BRAT1: variants seen among roughly 807,000 people sequenced by gnomAD.
The protein encoded by BRAT1 is integrator complex assembly factor BRAT1.
A neutral mutation model predicts 70.6 loss-of-function variants in BRAT1; 74 were observed. The observed-to-expected ratio is 1.05, with a 90% CI of 0.87 to 1.27. BRAT1 has a LOEUF of 1.27. BRAT1 is among the 50% of genes most tolerant of loss of function. The pLI, the probability that BRAT1 is intolerant of heterozygous loss-of-function variation, is 0.00. For synonymous variants in BRAT1, 615 were observed against 517.1 expected, an observed-to-expected ratio of 1.19 and a Z score of -2.57; for missense variants, 1,203 against 1,098.2, an observed-to-expected ratio of 1.10 and a Z score of -1.35.
intron 3 of BRAT1, among the ~76,000 whole-genome samples, chr7:2,546,902 G>A (rs1288803866): frequency 3.9e-5 from 6 of 152,112 alleles, no homozygotes; most frequent in African/African-American, 1.4e-4. Flanking sequence ...ACCCCACGGC[G>A]CAGCTACGAC....
intron 10 of BRAT1, 152 bp downstream of exon 10, chr7:2,540,827 C>T: frequency 1.2e-6 from 1 of 800,558 alleles, no homozygotes; most frequent in Non-Finnish European, 1.8e-6. Context: ...CCCATGCAGC[C>T]ACCTGCATCG....
Position 2,546,957 on chromosome 7 carries a change from C to T in BRAT1, c.282+367G>A, listed in dbSNP as rs1049127829. 3.3e-5 allele frequency among the ~76,000 whole-genome samples: 5 copies of T among 151,968 alleles called. No individual in the cohort carries two copies. In the South Asian group the frequency reaches 1.0e-3, roughly 32 times the overall value. Reference sequence around the variant, plus strand: ...AGAGACGGGGGCCACGGGGCAGCTACGACTCCTGTCTCCGTCCCAGGAAGA... The same window carrying T: ...AGAGACGGGGGCCACGGGGCAGCTATGACTCCTGTCTCCGTCCCAGGAAGA... On this transcript the variant is annotated intron_variant, in intron 3 of 13. Transcript: ENST00000340611.
Position 2,538,745 on chromosome 7 carries a change from A to G in BRAT1, c.1790T>C (p.Leu597Pro). 3.8e-6 allele frequency: 6 copies of G among 1,598,350 alleles called. No homozygotes were observed. The highest frequency in any genetic ancestry group is 5.1e-6 in the Non-Finnish European group (6 of 1,179,848). Reference protein sequence around the residue: ...EARQSLFLELLHILSVDSEGF... With the variant: ...EARQSLFLELPHILSVDSEGF... ...CTCCGAGTCTACGGAGAGGATGTGC[A>G]GGAGCTCCAGGAACAGGCTCTGGGG... The change falls in exon 14 of 14, where the codon CTG (leucine) becomes CCG (proline). Residue 597 changes from leucine to proline, a missense_variant. Coordinates refer to ENST00000340611, the MANE Select transcript of BRAT1 (RefSeq NM_152743.4).
Position 2,543,379 on chromosome 7 carries a change from A to C in BRAT1, c.804-56T>G. The C allele has an allele frequency of 6.6e-7, 1 of 1,522,448 alleles. No homozygotes were observed. The highest frequency in any genetic ancestry group is 1.3e-5 in the South Asian group (1 of 78,386). 94.3% of individuals were successfully genotyped at this position (1,522,448 alleles called of 1,614,324 possible). On this transcript the variant is annotated intron_variant, in intron 5 of 13. Transcript: ENST00000340611. This position sits in a 1 kb window ranked among gnomAD's most constrained non-coding sequence, Gnocchi z 5.5. ...TCCCCCACCCTCAAAACCCCATTCG[A>C]GGCCTGGCTGAGACTGCCATGGCTC...
chr7:2,540,798 C>T (rs1779086785), intron 10 of BRAT1, 181 bp downstream of exon 10: 2 of 570,776 alleles, frequency 3.5e-6, no homozygotes, highest in Non-Finnish European at 2.8e-6. Context: ...TCTTCACCAA[C>T]AAGAGGCCCT....
intron 2 of BRAT1, among the ~76,000 whole-genome samples, chr7:2,551,542 T>C (rs77565442): frequency 6.8e-6 from 1 of 147,910 alleles, no homozygotes; most frequent in Admixed American, 6.8e-5. Flanking sequence ...AAAAAAAAAA[T>C]AGCTGGGCCT....
intron 2 of BRAT1, among the ~76,000 whole-genome samples, chr7:2,553,980 A>T (rs1780226300): frequency 6.6e-6 from 1 of 152,140 alleles, no homozygotes; most frequent in African/African-American, 2.4e-5. Flanking sequence ...AACAAATCTG[A>T]TGTCTTAAAC....
chr7:2,541,583 C>T, intron 8 of BRAT1, 99 bp from the exon 9 acceptor site: 4 of 1,464,568 alleles, frequency 2.7e-6, no homozygotes, highest in Non-Finnish European at 3.6e-6. Context: ...GGGACATCAG[C>T]CAAGGTTGTG....
chr7:2,538,744 C>A lies in BRAT1; in HGVS notation c.1791G>T (p.Leu597=). 1 of 1,598,370 alleles carries A rather than the reference C, an allele frequency of 6.3e-7. No homozygotes were observed. The highest frequency in any genetic ancestry group is 8.5e-7 in the Non-Finnish European group (1 of 1,179,872). ...EARQSLFLEL[L]HILSVDSEGF... ...CCTCCGAGTCTACGGAGAGGATGTG[C>A]AGGAGCTCCAGGAACAGGCTCTGGG... The change falls in exon 14 of 14, where the codon CTG becomes CTT. Residue 597 remains leucine (L), a synonymous_variant. Coordinates refer to ENST00000340611, the MANE Select transcript of BRAT1 (RefSeq NM_152743.4).
In BRAT1 at chr7:2,541,014, G is replaced by A; in HGVS notation, c.1360C>T (p.Leu454=). The change falls in exon 10 of 14, where the codon CTG becomes TTG. Residue 454 remains leucine, a synonymous_variant. Transcript: ENST00000340611. ...GAGCCGGGGCTCTCGAGGCACTCCA[G>A]GAGGACAGCAAGCGCCTGCGTCACC... The part of the protein sequence containing the change: ...ELVTQALAVL[L]ECLESPGSSP... 1 of 1,564,774 alleles carries A rather than the reference G, an allele frequency of 6.4e-7. No homozygotes were observed. The highest frequency in any genetic ancestry group is 1.2e-5 in the South Asian group (1 of 82,970).
rs770720943 is a variant in BRAT1 at position 2,538,027 on chromosome 7, C to A, written c.*42G>T. ...TGTCCCACAGAAGGACATGGTGCTGCCTCCCTTGGTCCTGAGCCCCAGTGG... is the reference window on the plus strand; with the variant it reads ...TGTCCCACAGAAGGACATGGTGCTGACTCCCTTGGTCCTGAGCCCCAGTGG... On this transcript the variant is annotated 3_prime_UTR_variant, in exon 14 of 14. Transcript: ENST00000340611. 3.9e-5 allele frequency: 58 copies of A among 1,506,412 alleles called. 1 individual carries two copies. In the Admixed American group the frequency reaches 1.2e-3, roughly 32 times the overall value. 93.3% of individuals were successfully genotyped at this position (1,506,412 alleles called of 1,614,324 possible).
intron 2 of BRAT1, among the ~76,000 whole-genome samples, chr7:2,548,010 G>C (rs937801332): frequency 6.6e-6 from 1 of 151,604 alleles, no homozygotes; most frequent in African/African-American, 2.4e-5. Flanking sequence ...CTTGAACCTG[G>C]GAGGCAGAGG....
Position 2,544,953 on chromosome 7 carries a change from G to T in BRAT1, c.386C>A (p.Ser129Tyr). The T allele has an allele frequency of 6.4e-7, 1 of 1,559,332 alleles. No homozygotes were observed. The change falls in exon 4 of 14, where the codon TCC (serine) becomes TAC (tyrosine). Residue 129 changes from serine to tyrosine, a missense_variant. Ser to Tyr is a moderately radical substitution (Grantham distance 144, BLOSUM62 -2). Coordinates refer to ENST00000340611, the MANE Select transcript of BRAT1 (RefSeq NM_152743.4). ...VRSGWIQGLR[S>Y]LAQHPSALRF... ...CAGGGCGCTGGGGTGCTGTGCCAGG[G>T]AGCGCAGGCCCTGGATCCAGCCGCT...
At position 2,543,561 on chromosome 7, in the gene BRAT1, GC is replaced by G. The variant is rs768524491; in HGVS notation, c.803+28del. ...CCGAGGAAAACAGTTGCCCACCCAGGCCCCCCAGCTGCGTCCCGGGGCCCTG... is the reference window on the plus strand; with the variant it reads ...CCGAGGAAAACAGTTGCCCACCCAGGCCCCCAGCTGCGTCCCGGGGCCCTG... On this transcript the variant is annotated intron_variant, in intron 5 of 13. Transcript: ENST00000340611. The surrounding 1 kb of genome is among the most constrained non-coding windows in gnomAD (Gnocchi z 5.5). The G allele has an allele frequency of 6.7e-7, 1 of 1,501,688 alleles. No homozygotes were observed. The highest frequency in any genetic ancestry group is 2.3e-5 in the Admixed American group (1 of 43,344). 93.0% of individuals were successfully genotyped at this position (1,501,688 alleles called of 1,614,324 possible).
At chr7:2,552,081 A>AATACATATATATATATAT (rs1198193898) in intron 2 of BRAT1, among the ~76,000 whole-genome samples, 45 of 23,384 alleles carry the variant, frequency 1.9e-3, no homozygotes, top group African/African-American at 9.2e-3. Flanking sequence ...CATAGTCTTA[A>AATACATATATATATATAT]ATATATATAT....
intron 13 of BRAT1, 141 bp downstream of exon 13, chr7:2,539,038 C>T: frequency 1.4e-6 from 2 of 1,446,272 alleles, no homozygotes; most frequent in Non-Finnish European, 1.8e-6. Context: ...GCCCCAGGGC[C>T]TCGGCAGTCA....
Position 2,543,832 on chromosome 7 carries a change from C to G in BRAT1, c.561G>C (p.Pro187=). Residue 187 remains proline (P), a synonymous_variant, in exon 5 of 14, where the codon CCG becomes CCC. Coordinates refer to ENST00000340611, the MANE Select transcript of BRAT1 (RefSeq NM_152743.4). The surrounding 1 kb of genome is among the most constrained non-coding windows in gnomAD (Gnocchi z 5.5). The part of the protein sequence containing the change: ...RGGAEGQPCL[P]GGDWPACAQK... ...GGGCACACGCGGGCCAGTCACCCCC[C>G]GGCAGGCAGGGCTGCCCCTCGGCTC... is the stretch of plus-strand genomic sequence containing the variant. 6.2e-7 allele frequency: 1 copy of G among 1,612,952 alleles called. No homozygotes were observed. Among genetic ancestry groups the G allele is most frequent in the Non-Finnish European group, 8.5e-7 (1 of 1,179,928 alleles).
chr7:2,548,612 G>C (rs1779780969), intron 2 of BRAT1, among the ~76,000 whole-genome samples: 2 of 151,838 alleles, frequency 1.3e-5, no homozygotes, highest in Admixed American at 6.6e-5. Flanking sequence ...GCTGCAGCAA[G>C]CTATCACTGC....
chr7:2,540,316 C>T (rs1394541340), intron 10 of BRAT1: 45 of 165,128 alleles, frequency 2.7e-4, no homozygotes, highest in Non-Finnish European at 2.6e-5. Flanking sequence ...GATCCCCCCA[C>T]CTCGGCCCCC....
Sources: gnomAD v4.1 joint callset for allele counts (sites outside exome capture counted in the v4.1 genomes callset) on GRCh38, gnomAD v4.1.1 for gene constraint, Gnocchi (gnomAD v3.1) non-coding constraint, MANE v1.5 for transcripts, NCBI Gene and HGNC (gene_info 2026-07-23, HGNC 2026-07-21) for gene names.